Variants in FLT3LG observed in about 807,000 individuals in gnomAD.
FLT3LG encodes the protein fms related receptor tyrosine kinase 3 ligand, also known as fms-related tyrosine kinase 3 ligand.
Under a neutral mutation model 30.9 loss-of-function variants are expected in FLT3LG, and 8 were observed. The observed-to-expected ratio is 0.26, with a 90% CI of 0.15 to 0.47. FLT3LG has a LOEUF of 0.47. Ranked by LOEUF, FLT3LG falls within the 20% of genes least tolerant of loss-of-function variation. The probability of loss-of-function intolerance (pLI) is 0.99; values close to 1 mark genes in which losing one functional copy is unlikely to be tolerated. For missense variants in FLT3LG, 278 were observed against 306.2 expected (o/e 0.91, Z 0.69); for synonymous variants, 123 against 135.9 (o/e 0.91, Z 0.66).
intron 5 of FLT3LG, among the ~76,000 whole-genome samples, chr19:49,478,335 C>T (rs919603548): frequency 2.6e-5 from 4 of 151,886 alleles, no homozygotes; most frequent in African/African-American, 9.7e-5. Flanking sequence ...GGCGTGGTGG[C>T]AGGCGCCTGT....
intron 8 of FLT3LG, among the ~76,000 whole-genome samples, chr19:49,482,764 A>C (rs2079657874): frequency 6.6e-6 from 1 of 151,510 alleles, no homozygotes; most frequent in Admixed American, 6.6e-5. Context: ...AGTAGCTGGG[A>C]TTACAGGCAC....
chr19:49,477,250 G>A (rs947598607), intron 5 of FLT3LG, among the ~76,000 whole-genome samples: 15 of 151,952 alleles, frequency 9.9e-5, no homozygotes, highest in Admixed American at 6.6e-4. Context: ...AGACCAGCCC[G>A]GGTAACACAG....
At chr19:49,474,404 G>A in intron 1 of FLT3LG, 123 bp downstream of exon 1, 3 of 598,502 alleles carry the variant, frequency 5.0e-6, no homozygotes, top group South Asian at 4.0e-5. Context: ...GAGGGTTCTG[G>A]GGACCAGACG....
intron 2 of FLT3LG, 110 bp from the exon 3 acceptor site, chr19:49,475,581 C>A: frequency 1.4e-6 from 2 of 1,380,072 alleles, no homozygotes; most frequent in Non-Finnish European, 1.9e-6. Flanking sequence ...GGCAGAAGGA[C>A]ACCCAGGGAA....
chr19:49,475,599 C>T, intron 2 of FLT3LG, 92 bp from the exon 3 acceptor site: 4 of 1,464,440 alleles, frequency 2.7e-6, no homozygotes, highest in Non-Finnish European at 3.6e-6. Context: ...GAAGGAGGAG[C>T]GGGGAAGACA....
chr19:49,476,582 AG>A lies in FLT3LG; in HGVS notation c.342+20del, dbSNP rs745514077. 6.2e-7 allele frequency: 1 copy of A among 1,613,716 alleles called. No homozygotes were observed. Among genetic ancestry groups the A allele is most frequent in the African/African-American group, 1.3e-5 (1 of 74,930 alleles). ...TGCCTTTCAGGTCAGCCCTCAACTT[AG>A]GGGACAAGTGAGGGGAGGGAGATGC... is the stretch of plus-strand genomic sequence containing the variant. On this transcript the variant is annotated intron_variant, in intron 5 of 8. Coordinates refer to ENST00000597551, the MANE Select transcript of FLT3LG (RefSeq NM_001459.4). This position sits in a 1 kb window ranked among gnomAD's most constrained non-coding sequence, Gnocchi z 5.3.
At chr19:49,480,889 G>A in intron 8 of FLT3LG, 2 of 424,980 alleles carry the variant, frequency 4.7e-6, no homozygotes, top group South Asian at 6.1e-5. Flanking sequence ...AAAATTAACT[G>A]GGCATAGTGG....
At chr19:49,479,219 G>C (rs1048928474) in intron 6 of FLT3LG, among the ~76,000 whole-genome samples, 172 bp downstream of exon 6, 84 of 146,092 alleles carry the variant, frequency 5.7e-4, no homozygotes, top group African/African-American at 2.1e-3. Context: ...TTTTGAGACG[G>C]AGTCTCGCAC....
intron 5 of FLT3LG, 21 bp from the exon 6 acceptor site, chr19:49,478,888 G>A (rs1245738606): frequency 3.3e-6 from 5 of 1,494,848 alleles, no homozygotes; most frequent in Non-Finnish European, 4.5e-6. Context: ...TGGTGGTGAC[G>A]TCTCCCTCCC....
Position 49,476,847 on chromosome 19 carries a change from G to A in FLT3LG, c.342+281G>A. 3 of 405,024 alleles carry A rather than the reference G, an allele frequency of 7.4e-6. No homozygotes were observed. In the South Asian group the frequency reaches 7.5e-5, roughly 10 times the overall value. The allele number at this position is 405,024 out of a possible 1,614,324, so 25.1% of individuals were successfully genotyped here. On this transcript the variant is annotated intron_variant, in intron 5 of 8. Transcript: ENST00000597551. The surrounding 1 kb of genome is among the most constrained non-coding windows in gnomAD (Gnocchi z 5.3). ...CCCCAAAAAAAAACAGGGAGAGAAGGGGTCTCTAAACTGAGGAGGCCGGGC... is the reference window on the plus strand; with the variant it reads ...CCCCAAAAAAAAACAGGGAGAGAAGAGGTCTCTAAACTGAGGAGGCCGGGC...
intron 8 of FLT3LG, among the ~76,000 whole-genome samples, chr19:49,485,248 CT>C (rs55877586): frequency 0.2 from 24,672 of 121,548 alleles, 3,362 homozygotes; most frequent in African/African-American, 0.51. Flanking sequence ...TCTTTTTTTT[CT>C]TTTTTTTTTT....
At chr19:49,477,529 A>C (rs2122503933) in intron 5 of FLT3LG, among the ~76,000 whole-genome samples, 1 of 151,404 alleles carries the variant, frequency 6.6e-6, no homozygotes. Flanking sequence ...GCCTGAGCTC[A>C]GGAGTTCGAG....
chr19:49,482,902 C>T (rs1226006143), intron 8 of FLT3LG, among the ~76,000 whole-genome samples: 1 of 151,824 alleles, frequency 6.6e-6, no homozygotes, highest in African/African-American at 2.4e-5. Context: ...GCTGGGATTA[C>T]AGGCGTGAGC....
At chr19:49,481,343 G>T (rs2079604547) in intron 8 of FLT3LG, 1 of 152,514 alleles carries the variant, frequency 6.6e-6, no homozygotes, top group Non-Finnish European at 1.5e-5. Flanking sequence ...AGGAGCAAGG[G>T]GCCCTGGGGA....
chr19:49,475,447 G>A (rs1484385026), intron 2 of FLT3LG, among the ~76,000 whole-genome samples: 1 of 151,632 alleles, frequency 6.6e-6, no homozygotes, highest in Non-Finnish European at 1.5e-5. Context: ...GCAGAGTGGG[G>A]GAGATGGGGA....
At chr19:49,483,713 C>A (rs1394667841) in intron 8 of FLT3LG, among the ~76,000 whole-genome samples, 3 of 151,404 alleles carry the variant, frequency 2.0e-5, no homozygotes, top group Non-Finnish European at 4.4e-5. Flanking sequence ...GAGAGCAAGA[C>A]CCTGTCTCAA....
rs778371063 is a variant in FLT3LG at position 49,475,780 on chromosome 19, C to T, written c.123C>T (p.Phe41=). 3.7e-6 allele frequency: 6 copies of T among 1,612,640 alleles called. No homozygotes were observed. Among genetic ancestry groups the T allele is most frequent in the South Asian group, 2.2e-5 (2 of 91,086 alleles). Residue 41 remains phenylalanine, a synonymous_variant, in exon 3 of 9, where the codon TTC becomes TTT. Coordinates refer to ENST00000597551, the MANE Select transcript of FLT3LG (RefSeq NM_001459.4). ...SFQHSPISSD[F]AVKIRELSDY... is the part of the protein sequence containing the mutation. ...AACACAGCCCCATCTCCTCCGACTT[C>T]GCTGTCAAAATCCGTGAGCTGGTGA...
chr19:49,477,292 A>C lies in FLT3LG; in HGVS notation c.342+726A>C, dbSNP rs373371851. On this transcript the variant is annotated intron_variant, in intron 5 of 8. Coordinates refer to ENST00000597551, the MANE Select transcript of FLT3LG (RefSeq NM_001459.4). ...CTCATCTCTGCACAAAAATAAAAAT[A>C]AATTAGCCAGGCATGGTGGTGCCCA... 7.9e-5 allele frequency among the ~76,000 whole-genome samples: 12 copies of C among 151,990 alleles called. No individual in the cohort carries two copies. The East Asian group carries it at 2.1e-3, about 27-fold the overall frequency.
intron 8 of FLT3LG, chr19:49,481,056 GA>G (rs1242737228): frequency 1.3e-5 from 2 of 157,936 alleles, no homozygotes; most frequent in Non-Finnish European, 2.8e-5. Flanking sequence ...AAAAGAAAAG[GA>G]AAGACCCCTC....
Sources: allele counts gnomAD v4.1 joint callset (sites outside exome capture counted in the v4.1 genomes callset), GRCh38; gene constraint gnomAD v4.1.1; non-coding constraint Gnocchi (gnomAD v3.1); transcripts MANE v1.5; gene names NCBI Gene and HGNC (gene_info 2026-07-23, HGNC 2026-07-21).